GXYLT2: variants seen among roughly 807,000 people sequenced by gnomAD.
GXYLT2 encodes the protein glycosyltransferase 8 domain containing 4.
Under a neutral mutation model 45.8 loss-of-function variants are expected in GXYLT2, and 53 were observed. The ratio of observed to expected loss-of-function variants is 1.16; its 90% CI spans 0.93 to 1.46. GXYLT2 has a LOEUF of 1.46. Among genes scored for constraint, GXYLT2 ranks in the 40% most tolerant of loss-of-function variants. The probability of loss-of-function intolerance (pLI) is 0.00; values close to 1 mark genes in which losing one functional copy is unlikely to be tolerated. For missense variants in GXYLT2, 551 were observed against 544.4 expected (o/e 1.01, Z -0.12); for synonymous variants, 219 against 214.2 (o/e 1.02, Z -0.19).
At chr3:72,943,372 CTT>C (rs1274904176) in intron 3 of GXYLT2, among the ~76,000 whole-genome samples, 1 of 149,938 alleles carries the variant, frequency 6.7e-6, no homozygotes, top group Admixed American at 6.6e-5. Flanking sequence ...CTGTATTTCT[CTT>C]TTTCCTTTTT....
rs151142494 is a variant in GXYLT2 at position 72,903,715 on chromosome 3, A to C, written c.276-4652A>C. Among the ~76,000 whole-genome samples, 364 of 152,322 alleles carry C rather than the reference A, an allele frequency of 2.4e-3. 3 individuals are homozygous for C. The highest frequency in any genetic ancestry group is 0.01 in the Middle Eastern group (3 of 294). ...TGGTCAGGATTTGGGTAAGGGTCAT[A>C]GCAGTGAGCAACAAGGAGGGAATGG... On this transcript the variant is annotated intron_variant, in intron 1 of 6. Coordinates refer to ENST00000389617, the MANE Select transcript of GXYLT2 (RefSeq NM_001080393.2).
intron 6 of GXYLT2, among the ~76,000 whole-genome samples, chr3:72,968,344 T>C (rs1438342648): frequency 6.6e-6 from 1 of 152,206 alleles, no homozygotes; most frequent in Non-Finnish European, 1.5e-5. Flanking sequence ...AGGATCAAGA[T>C]TAGACAATAA....
At chr3:72,965,714 T>G (rs1235274010) in intron 5 of GXYLT2, among the ~76,000 whole-genome samples, 1 of 152,100 alleles carries the variant, frequency 6.6e-6, no homozygotes, top group Non-Finnish European at 1.5e-5. Flanking sequence ...GAGCACCCAC[T>G]AGATGCCAGT....
intron 2 of GXYLT2, among the ~76,000 whole-genome samples, chr3:72,915,585 C>A (rs1709725562): frequency 6.6e-6 from 1 of 151,896 alleles, no homozygotes; most frequent in African/African-American, 2.4e-5. Context: ...GCCTGTAATC[C>A]CAGCGCTTTC....
intron 3 of GXYLT2, among the ~76,000 whole-genome samples, chr3:72,943,363 T>C (rs188859800): frequency 1.9e-4 from 29 of 151,970 alleles, no homozygotes; most frequent in African/African-American, 6.8e-4. Flanking sequence ...TAATGGTATC[T>C]GTATTTCTCT....
At chr3:72,965,540 A>G (rs976679256) in intron 5 of GXYLT2, among the ~76,000 whole-genome samples, 1 of 152,212 alleles carries the variant, frequency 6.6e-6, no homozygotes, top group Non-Finnish European at 1.5e-5. Flanking sequence ...GAAAAGCATC[A>G]AGCCGAGAAG....
chr3:72,926,643 T>C (rs1178426709), intron 3 of GXYLT2, among the ~76,000 whole-genome samples: 1 of 152,186 alleles, frequency 6.6e-6, no homozygotes, highest in African/African-American at 2.4e-5. Flanking sequence ...GATTTTATAA[T>C]AGATCTGTAC....
intron 3 of GXYLT2, among the ~76,000 whole-genome samples, chr3:72,944,263 C>CTTT (rs57166772): frequency 7.1e-6 from 1 of 141,206 alleles, no homozygotes; most frequent in South Asian, 2.3e-4. Context: ...CTTTTTTTTT[C>CTTT]TTTTTTTTTT....
Position 72,929,139 on chromosome 3 carries a change from A to T in GXYLT2, c.600+6804A>T, listed in dbSNP as rs1489089048. Reference sequence around the variant, plus strand: ...ATCAACCTGGAGCTCTACGCCTCCTACGTTTACCTGTCCATGTCTTACTAC... The same window carrying T: ...ATCAACCTGGAGCTCTACGCCTCCTTCGTTTACCTGTCCATGTCTTACTAC... On this transcript the variant is annotated intron_variant, in intron 3 of 6. Coordinates refer to ENST00000389617, the MANE Select transcript of GXYLT2 (RefSeq NM_001080393.2). 3 of 1,589,396 alleles carry T rather than the reference A, an allele frequency of 1.9e-6. No homozygotes were observed. In the South Asian group the frequency reaches 3.3e-5, roughly 17 times the overall value.
chr3:72,934,077 ATTC>A (rs909917316), intron 3 of GXYLT2, among the ~76,000 whole-genome samples: 13 of 126,794 alleles, frequency 1.0e-4, no homozygotes, highest in Non-Finnish European at 1.6e-4. Context: ...TTTTAATTTT[ATTC>A]TTTTTTTTTT....
At chr3:72,890,987 C>T (rs142970215) in intron 1 of GXYLT2, among the ~76,000 whole-genome samples, 1 of 152,160 alleles carries the variant, frequency 6.6e-6, no homozygotes, top group East Asian at 1.9e-4. Flanking sequence ...CTTGCTACCT[C>T]CACAGAAATG....
intron 4 of GXYLT2, 97 bp downstream of exon 4, chr3:72,955,446 G>A: frequency 1.7e-6 from 2 of 1,198,202 alleles, no homozygotes; most frequent in South Asian, 1.4e-5. Context: ...TTTGGAAATT[G>A]GGTGGCCTAT....
chr3:72,897,659 C>A (rs1307443952), intron 1 of GXYLT2, among the ~76,000 whole-genome samples: 2 of 152,156 alleles, frequency 1.3e-5, no homozygotes, highest in Non-Finnish European at 2.9e-5. Context: ...AACCCCAAAA[C>A]CCAAAGCAGA....
chr3:72,925,499 G>A (rs1484239112), intron 3 of GXYLT2, among the ~76,000 whole-genome samples: 4 of 151,928 alleles, frequency 2.6e-5, no homozygotes, highest in Admixed American at 2.6e-4. Flanking sequence ...ATATATAATC[G>A]CATAAAAACT....
Position 72,976,621 on chromosome 3 carries a change from C to T in GXYLT2, c.*1462C>T, listed in dbSNP as rs759219645. ...AGGAAGTTGAATATTCTGTTCCCCA[C>T]GGGGATCTGGCTTAATCCCTAGTTG... On this transcript the variant is annotated 3_prime_UTR_variant, in exon 7 of 7. Transcript: ENST00000389617. The T allele has an allele frequency of 1.6e-4, 25 of 152,330 alleles. No individual in the cohort carries two copies. Among genetic ancestry groups the T allele is most frequent in the African/African-American group, 5.3e-4 (22 of 41,572 alleles). 9.4% of individuals were successfully genotyped at this position (152,330 alleles called of 1,614,324 possible).
At chr3:72,944,447 G>A (rs187535707) in intron 3 of GXYLT2, among the ~76,000 whole-genome samples, 1 of 151,772 alleles carries the variant, frequency 6.6e-6, no homozygotes, top group African/African-American at 2.4e-5. Context: ...TGGAGATGGG[G>A]TTTCACCATC....
Position 72,922,344 on chromosome 3 carries a change from A to T in GXYLT2, c.600+9A>T. On this transcript the variant is annotated intron_variant, in intron 3 of 6. Coordinates refer to ENST00000389617, the MANE Select transcript of GXYLT2 (RefSeq NM_001080393.2). ...AGAGACTCTTTCTTCCGGTAGGAAC[A>T]CCTGTTTTTAATAAGTTGTAGCTTG... 6.2e-7 allele frequency: 1 copy of T among 1,609,294 alleles called. No individual in the cohort carries two copies. Among genetic ancestry groups the T allele is most frequent in the Non-Finnish European group, 8.5e-7 (1 of 1,178,594 alleles).
At chr3:72,967,497 A>G (rs766668102) in intron 5 of GXYLT2, 50 bp from the exon 6 acceptor site, 3 of 1,423,572 alleles carry the variant, frequency 2.1e-6, no homozygotes, top group Admixed American at 3.6e-5. Flanking sequence ...CATGTGCATG[A>G]GAGCTGGCAC....
At chr3:72,971,100 C>T (rs35753512) in intron 6 of GXYLT2, among the ~76,000 whole-genome samples, 6,236 of 152,218 alleles carry the variant, frequency 0.041, 180 homozygotes, top group South Asian at 0.088. Context: ...ACACAGCAGC[C>T]GTGTGTCTAT....
Sources: gnomAD v4.1 joint callset for allele counts (sites outside exome capture counted in the v4.1 genomes callset) on GRCh38, gnomAD v4.1.1 for gene constraint, MANE v1.5 for transcripts, NCBI Gene and HGNC (gene_info 2026-07-23, HGNC 2026-07-21) for gene names.